The following ADAMTS1 variants were observed in gnomAD, a reference collection of about 807,000 sequenced individuals.
The protein encoded by ADAMTS1 is ADAM metallopeptidase with thrombospondin type 1 motif 1.
ADAMTS1 carries 19 observed loss-of-function variants against 87.9 expected under a neutral mutation model. The ratio of observed to expected loss-of-function variants is 0.22; its 90% CI spans 0.15 to 0.32. ADAMTS1 has a LOEUF of 0.32. ADAMTS1 is among the 10% of genes least tolerant of loss of function. The pLI, the probability that ADAMTS1 is intolerant of heterozygous loss-of-function variation, is 1.00. For synonymous variants in ADAMTS1, 542 were observed against 501.8 expected (o/e 1.08, Z -1.07); for missense variants, 1,240 against 1,259.1 (o/e 0.98, Z 0.23).
At chr21:26,838,725 G>T in intron 7 of ADAMTS1, 111 bp from the exon 8 acceptor site, 1 of 1,073,332 alleles carries the variant, frequency 9.3e-7, no homozygotes, top group Non-Finnish European at 1.3e-6. Flanking sequence ...ATTAAACACA[G>T]TACCCTCTAC....
rs759906505 is a variant in ADAMTS1, at chr21:26,840,987, G to T, written c.1378+11C>A. ...GGATGCCATCTAGAGAGAGTAGCTG[G>T]AATATCTCACCATGACCATTATCCA... On this transcript the variant is annotated intron_variant, in intron 4 of 8. Transcript: ENST00000284984. The T allele has an allele frequency of 6.2e-7, 1 of 1,610,426 alleles. No individual in the cohort carries two copies. The highest frequency in any genetic ancestry group is 1.1e-5 in the South Asian group (1 of 90,944).
chr21:26,845,013 G>T lies in ADAMTS1; in HGVS notation c.-59C>A, dbSNP rs1985593571. Reference sequence around the variant, plus strand: ...ACGGAGCGAGGGACCTTTAGTTCGGGTCGGGAGAGCAAAGCCTCGTTGGCC... The same window carrying T: ...ACGGAGCGAGGGACCTTTAGTTCGGTTCGGGAGAGCAAAGCCTCGTTGGCC... On this transcript the variant is annotated 5_prime_UTR_variant, in exon 1 of 9. Transcript: ENST00000284984. 2.7e-6 allele frequency: 4 copies of T among 1,470,328 alleles called. No homozygotes were observed. In the East Asian group the frequency reaches 7.1e-5, roughly 26 times the overall value. 91.1% of individuals were successfully genotyped at this position (1,470,328 alleles called of 1,614,324 possible).
chr21:26,841,144 T>C lies in ADAMTS1; in HGVS notation c.1232A>G (p.His411Arg). 1 of 1,614,172 alleles carries C rather than the reference T, an allele frequency of 6.2e-7. No homozygotes were observed. The highest frequency in any genetic ancestry group is 8.5e-7 in the Non-Finnish European group (1 of 1,180,012). The change falls in exon 4 of 9, where the codon CAT becomes CGT. Residue 411 changes from histidine to arginine, a missense_variant. Physicochemically the swap from His to Arg is conservative, Grantham distance 29. Around this residue, in one of 3 missense-constraint regions of ADAMTS1, gnomAD observed 317 missense variants for 410.3 expected, o/e 0.77. Coordinates refer to ENST00000284984, the MANE Select transcript of ADAMTS1 (RefSeq NM_006988.5). ...GCTGGCACACTGCTTTGCATCATCATGTGGCATGTTAAACACGTGGCCTAG... is the reference window on the plus strand; with the variant it reads ...GCTGGCACACTGCTTTGCATCATCACGTGGCATGTTAAACACGTGGCCTAG... ...HELGHVFNMP[H>R]DDAKQCASLN...
At position 26,844,350 on chromosome 21, in the gene ADAMTS1, T is replaced by C; in HGVS notation, c.605A>G (p.Asp202Gly). The C allele has an allele frequency of 6.2e-7, 1 of 1,603,388 alleles. No individual in the cohort carries two copies. Among genetic ancestry groups the C allele is most frequent in the Admixed American group, 1.7e-5 (1 of 59,324 alleles). Residue 202 changes from aspartate to glycine, a missense_variant, in exon 1 of 9, where the codon GAC becomes GGC. Around this residue, in one of 3 missense-constraint regions of ADAMTS1, gnomAD observed 521 missense variants for 449.7 expected, o/e 1.16. Coordinates refer to ENST00000284984, the MANE Select transcript of ADAMTS1 (RefSeq NM_006988.5). ...TTTCCCAGTCGGCCGGGGCTCGTCGTCCACGACCCCGCACGTGCCGCCGAC... is the reference window on the plus strand; with the variant it reads ...TTTCCCAGTCGGCCGGGGCTCGTCGCCCACGACCCCGCACGTGCCGCCGAC... ...GDVGGTCGVV[D>G]DEPRPTGKAE...
rs1601925209 is a variant in ADAMTS1, at chr21:26,844,821, G to A, written c.134C>T (p.Ala45Val). 6.4e-7 allele frequency: 1 copy of A among 1,550,500 alleles called. No homozygotes were observed. The highest frequency in any genetic ancestry group is 8.7e-7 in the Non-Finnish European group (1 of 1,147,936). ...TLLLLAAALLAVSDALGRPSE... is the reference protein window; with the variant it reads ...TLLLLAAALLVVSDALGRPSE... ...GGGGCGCCCGAGTGCGTCCGACACG[G>A]CCAGTAGCGCCGCGGCGAGCAGCAG... The change falls in exon 1 of 9, where the codon GCC becomes GTC. Residue 45 changes from alanine to valine, a missense_variant. Physicochemically the swap from Ala to Val is moderately conservative, Grantham distance 64. Transcript: ENST00000284984.
chr21:26,841,140 A>G lies in ADAMTS1; in HGVS notation c.1236T>C (p.Asp412=), dbSNP rs147554908. The change falls in exon 4 of 9, where the codon GAT becomes GAC. Residue 412 remains aspartate, a synonymous_variant. Coordinates refer to ENST00000284984, the MANE Select transcript of ADAMTS1 (RefSeq NM_006988.5). Reference sequence around the variant, plus strand: ...TAAGGCTGGCACACTGCTTTGCATCATCATGTGGCATGTTAAACACGTGGC... The same window carrying G: ...TAAGGCTGGCACACTGCTTTGCATCGTCATGTGGCATGTTAAACACGTGGC... ...ELGHVFNMPH[D]DAKQCASLNG... The G allele has an allele frequency of 8.9e-5, 143 of 1,614,058 alleles. No homozygotes were observed. In the African/African-American group the frequency reaches 1.8e-3, roughly 20 times the overall value.
At chr21:26,843,597 G>C (rs982422617) in intron 1 of ADAMTS1, 1 of 463,738 alleles carries the variant, frequency 2.2e-6, no homozygotes. Flanking sequence ...TGCAAACTGG[G>C]AGGCGGGGCA....
Position 26,838,157 on chromosome 21 carries a change from T to C in ADAMTS1, c.2326A>G (p.Thr776Ala). 6.2e-7 allele frequency: 1 copy of C among 1,614,128 alleles called. No individual in the cohort carries two copies. The highest frequency in any genetic ancestry group is 8.5e-7 in the Non-Finnish European group (1 of 1,180,018). ...SFLAIKAADG[T>A]YILNGDYTLS... ...GTGTAGTCACCATTAAGAATATATGTGCCATCAGCAGCTTTGATGGCAAGA... is the reference window on the plus strand; with the variant it reads ...GTGTAGTCACCATTAAGAATATATGCGCCATCAGCAGCTTTGATGGCAAGA... Residue 776 changes from threonine (T) to alanine (A), a missense_variant, in exon 9 of 9, where the codon ACA (threonine) becomes GCA (alanine). By Grantham distance (58) the Thr-to-Ala change is moderately conservative (BLOSUM62 0). Transcript: ENST00000284984.
rs751701984 is a variant in ADAMTS1, at chr21:26,838,445, C to A, written c.2198G>T (p.Ser733Ile). The A allele has an allele frequency of 6.2e-7, 1 of 1,614,200 alleles. No individual in the cohort carries two copies. The highest frequency in any genetic ancestry group is 1.1e-5 in the South Asian group (1 of 91,080). Residue 733 changes from serine to isoleucine, a missense_variant, in exon 8 of 9, where the codon AGT becomes ATT. Ser to Ile is a moderately radical substitution (Grantham distance 142, BLOSUM62 -2). Coordinates refer to ENST00000284984, the MANE Select transcript of ADAMTS1 (RefSeq NM_006988.5). The stretch of plus-strand genomic sequence containing the variant: ...TAGGTGTTTTAAAACTTACTTTGCA[C>A]TAGTAACTGATCCTGATATTTTTTT... Reference protein sequence around the residue: ...TCKKISGSVTSAKPGYHDIIT... With the variant: ...TCKKISGSVTIAKPGYHDIIT...
At position 26,841,910 on chromosome 21, in the gene ADAMTS1, G is replaced by T. The variant is rs141975781; in HGVS notation, c.1158C>A (p.Ser386=). 6.2e-7 allele frequency: 1 copy of T among 1,613,936 alleles called. No individual in the cohort carries two copies. ...CTTGTAAACCATCATCTTCTATGAC[G>T]GAGCAGCTTCTGCTCGGATCACACA... ...GTVCDPSRSC[S]VIEDDGLQAA... is the part of the protein sequence containing the mutation. The change falls in exon 3 of 9, where the codon TCC becomes TCA. Residue 386 remains serine (S), a synonymous_variant. Transcript: ENST00000284984.
At chr21:26,839,290 T>G (rs956302081) in intron 7 of ADAMTS1, 1 of 238,436 alleles carries the variant, frequency 4.2e-6, no homozygotes, top group Non-Finnish European at 8.1e-6. Context: ...ATGAGCTGTA[T>G]GTGAAGCCTA....
rs1244066566 is a variant in ADAMTS1 at position 26,838,410 on chromosome 21, G to A, written c.2204+29C>T. On this transcript the variant is annotated intron_variant, in intron 8 of 8. Coordinates refer to ENST00000284984, the MANE Select transcript of ADAMTS1 (RefSeq NM_006988.5). ...GTTGAAAGGCCCATTTAAATTATAAGGTCTGCAAATAGGTGTTTTAAAACT... is the reference window on the plus strand; with the variant it reads ...GTTGAAAGGCCCATTTAAATTATAAAGTCTGCAAATAGGTGTTTTAAAACT... The A allele has an allele frequency of 3.1e-6, 5 of 1,612,198 alleles. No individual in the cohort carries two copies. The Admixed American group carries it at 6.7e-5, about 22-fold the overall frequency.
rs368370480 is a variant in ADAMTS1 at position 26,840,746 on chromosome 21, G to T, written c.1379-184C>A. 4.1e-4 allele frequency among the ~76,000 whole-genome samples: 62 copies of T among 152,306 alleles called. 2 individuals are homozygous for T. In the South Asian group the frequency reaches 0.012, roughly 31 times the overall value. ...CTATTAAGATCTTATCCTCAATGGG[G>T]TATTTCTATATTAACAATGACAGGA... On this transcript the variant is annotated intron_variant, in intron 4 of 8. Transcript: ENST00000284984.
At position 26,844,561 on chromosome 21, in the gene ADAMTS1, C is replaced by T. The variant is rs770341826; in HGVS notation, c.394G>A (p.Asp132Asn). The T allele has an allele frequency of 4.3e-6, 7 of 1,610,366 alleles. No homozygotes were observed. The highest frequency in any genetic ancestry group is 5.9e-6 in the Non-Finnish European group (7 of 1,178,656). ...HCFYSGTVNG[D>N]PSSAAALSLC... ...CTGAGGGCGGCAGCCGAGCTGGGAT[C>T]GCCATTCACGGTGCCGGAGTAGAAG... The change falls in exon 1 of 9, where the codon GAT becomes AAT. Residue 132 changes from aspartate (D) to asparagine (N), a missense_variant. This residue lies in a region of ADAMTS1 where 521 missense variants were observed against 449.7 expected (regional missense o/e 1.16). Coordinates refer to ENST00000284984, the MANE Select transcript of ADAMTS1 (RefSeq NM_006988.5).
intron 3 of ADAMTS1, chr21:26,841,516 C>T (rs1310682369): frequency 3.8e-6 from 1 of 266,408 alleles, no homozygotes; most frequent in East Asian, 7.6e-5. Flanking sequence ...GGATGATATG[C>T]AGCAGGTTCT....
Position 26,837,659 on chromosome 21 carries a change from C to T in ADAMTS1, c.2824G>A (p.Val942Met). ...GGATCACAGCTCTCATGAGATAACA[C>T]CCCTCCATCATGGGACAGACACTTC... Reference protein sequence around the residue: ...SLKCLSHDGGVLSHESCDPLK... With the variant: ...SLKCLSHDGGMLSHESCDPLK... The change falls in exon 9 of 9, where the codon GTG (valine) becomes ATG (methionine). Residue 942 changes from valine to methionine, a missense_variant. Val to Met is a conservative substitution (Grantham distance 21). Transcript: ENST00000284984. 6.2e-7 allele frequency: 1 copy of T among 1,614,176 alleles called. No homozygotes were observed. The highest frequency in any genetic ancestry group is 1.1e-5 in the South Asian group (1 of 91,080).
chr21:26,836,505 A>G lies in ADAMTS1; in HGVS notation c.*1074T>C, dbSNP rs1230837436. On this transcript the variant is annotated 3_prime_UTR_variant, in exon 9 of 9. Transcript: ENST00000284984. Reference sequence around the variant, plus strand: ...AAGTACATGTAATTTATAGTAACATATTTTACTATATACATATGGAAAAAA... The same window carrying G: ...AAGTACATGTAATTTATAGTAACATGTTTTACTATATACATATGGAAAAAA... 6.6e-6 allele frequency: 1 copy of G among 152,618 alleles called. No individual in the cohort carries two copies. Among genetic ancestry groups the G allele is most frequent in the Non-Finnish European group, 1.5e-5 (1 of 68,044 alleles). The allele number at this position is 152,618 out of a possible 1,614,324, so 9.5% of individuals were successfully genotyped here. A position where few individuals can be genotyped will look rare whatever the true frequency, so the allele number is the denominator to read the frequency against.
At chr21:26,840,644 CAT>C (rs1395205463) in intron 4 of ADAMTS1, 82 bp from the exon 5 acceptor site, 19 of 1,465,462 alleles carry the variant, frequency 1.3e-5, no homozygotes, top group Non-Finnish European at 1.8e-5. Flanking sequence ...AAATATTTAT[CAT>C]ATGAGAAAAT....
chr21:26,843,507 C>CACA (rs373460567), intron 1 of ADAMTS1: 347,151 of 467,958 alleles, frequency 0.74, 132,078 homozygotes, highest in African/African-American at 0.89. Flanking sequence ...AAGCACTGCA[C>CACA]AGAGAGAAGG....
Sources: allele counts gnomAD v4.1 joint callset (sites outside exome capture counted in the v4.1 genomes callset), GRCh38; gene constraint gnomAD v4.1.1; regional missense constraint gnomAD v4.1.1; transcripts MANE v1.5; gene names NCBI Gene and HGNC (gene_info 2026-07-23, HGNC 2026-07-21).